The following AKR1B1 variants were observed in gnomAD, a reference collection of about 807,000 sequenced individuals.
AKR1B1 encodes the protein aldo-keto reductase family 1 member B, also known as aldo-keto reductase family 1 member B1.
A neutral mutation model predicts 40.4 loss-of-function variants in AKR1B1; 22 were observed. That is an observed-to-expected ratio of 0.54 (90% CI 0.39 to 0.78). The LOEUF is 0.78. Among genes scored for constraint, AKR1B1 ranks in the 30% least tolerant of loss-of-function variants. The pLI, the probability that AKR1B1 is intolerant of heterozygous loss-of-function variation, is 0.00. For synonymous variants in AKR1B1, 157 were observed against 149.9 expected, an observed-to-expected ratio of 1.05 and a Z score of -0.35; for missense variants, 357 against 396.7, an observed-to-expected ratio of 0.90 and a Z score of 0.85.
At chr7:134,446,299 TA>T (rs1421613189) in intron 8 of AKR1B1, among the ~76,000 whole-genome samples, 2 of 152,226 alleles carry the variant, frequency 1.3e-5, no homozygotes, top group Non-Finnish European at 2.9e-5. Flanking sequence ...TCTCCTCTCC[TA>T]AACAATGAGC....
rs1562906993 is a variant in AKR1B1 at position 134,448,417 on chromosome 7, TAGGCGGTC to T, written c.621_628del (p.Thr208GlnfsTer7). 6.2e-7 allele frequency: 1 copy of T among 1,613,800 alleles called. No homozygotes were observed. Among genetic ancestry groups the T allele is most frequent in the African/African-American group, 1.3e-5 (1 of 74,922 alleles). ...CCTGTCAGGAGAGCCGAGGGGGCTGTAGGCGGTCACCACGATGCCTTTGGACTGGCAGT... is the reference window on the plus strand; with the variant it reads ...CCTGTCAGGAGAGCCGAGGGGGCTGTACCACGATGCCTTTGGACTGGCAGT... On this transcript the variant is annotated frameshift_variant, in exon 6 of 10. Coordinates refer to ENST00000285930, the MANE Select transcript of AKR1B1 (RefSeq NM_001628.4). LOFTEE classifies it high-confidence loss of function.
chr7:134,454,832 A>G (rs1237946854), intron 1 of AKR1B1, among the ~76,000 whole-genome samples: 2 of 152,224 alleles, frequency 1.3e-5, no homozygotes, highest in African/African-American at 4.8e-5. Context: ...CAGGTTTGGC[A>G]GCAGAAATTA....
rs1805976805 is a variant in AKR1B1, at chr7:134,442,747, G to A, written c.932C>T (p.Pro311Leu). Reference sequence around the variant, plus strand: ...ACAGCTTCAAAACTCTTCATGGAAGGGGTAATCCTTGTGGGAGGTACAGCT... The same window carrying A: ...ACAGCTTCAAAACTCTTCATGGAAGAGGTAATCCTTGTGGGAGGTACAGCT... The part of the protein sequence containing the change: ...LLSCTSHKDY[P>L]FHEEF The change falls in exon 10 of 10, where the codon CCC (proline) becomes CTC (leucine). Residue 311 changes from proline (P) to leucine (L), a missense_variant. Pro to Leu is a moderately conservative substitution (Grantham distance 98). Coordinates refer to ENST00000285930, the MANE Select transcript of AKR1B1 (RefSeq NM_001628.4). The A allele has an allele frequency of 6.2e-7, 1 of 1,613,984 alleles. No homozygotes were observed. The highest frequency in any genetic ancestry group is 8.5e-7 in the Non-Finnish European group (1 of 1,179,982).
chr7:134,447,277 C>A (rs113462862), intron 8 of AKR1B1, 21 bp downstream of exon 8: 28 of 1,610,858 alleles, frequency 1.7e-5, no homozygotes, highest in African/African-American at 8.0e-5. Context: ...GAGGGCCAGG[C>A]CTGACCAGCC....
intron 3 of AKR1B1, 23 bp downstream of exon 3, chr7:134,450,763 G>T: frequency 3.8e-6 from 6 of 1,594,854 alleles, no homozygotes; most frequent in Non-Finnish European, 5.2e-6. Flanking sequence ...CAAGGGACCT[G>T]GTCTGCACCA....
intron 1 of AKR1B1, among the ~76,000 whole-genome samples, chr7:134,452,746 A>C (rs376305589): frequency 5.3e-5 from 8 of 150,528 alleles, no homozygotes; most frequent in East Asian, 3.9e-4. Flanking sequence ...GAAAAGAAAA[A>C]CCCCCCAGGG....
chr7:134,445,154 G>A (rs912195064), intron 9 of AKR1B1, 84 bp downstream of exon 9: 27 of 1,213,028 alleles, frequency 2.2e-5, no homozygotes, highest in African/African-American at 5.9e-5. Flanking sequence ...GCACATTGGC[G>A]CTGAGGCCTG....
chr7:134,455,776 G>GT (rs1054862719), intron 1 of AKR1B1, among the ~76,000 whole-genome samples: 2 of 152,110 alleles, frequency 1.3e-5, no homozygotes, highest in African/African-American at 4.8e-5. Context: ...TAGAGAGGGG[G>GT]TTTCACCATG....
chr7:134,447,007 C>G lies in AKR1B1; in HGVS notation c.825+291G>C, dbSNP rs1050366202. On this transcript the variant is annotated intron_variant, in intron 8 of 9. Coordinates refer to ENST00000285930, the MANE Select transcript of AKR1B1 (RefSeq NM_001628.4). ...TGCAGGGCAGGTCCAGGCAGTGAAG[C>G]TCAAGAGCGAGATTCTCCCCGGGTA... 3.9e-5 allele frequency among the ~76,000 whole-genome samples: 6 copies of G among 152,006 alleles called. No individual in the cohort carries two copies. The South Asian group carries it at 1.2e-3, about 32-fold the overall frequency.
chr7:134,451,757 A>G lies in AKR1B1; in HGVS notation c.67-4T>C. On this transcript the variant is annotated splice_region_variant and splice_polypyrimidine_tract_variant and intron_variant, in intron 1 of 9. Coordinates refer to ENST00000285930, the MANE Select transcript of AKR1B1 (RefSeq NM_001628.4). ...CAGTCACCTGCCCTGGAGGGGACTG[A>G]AAGGAGAAAGAACGTGAGCCCCGCA... The G allele has an allele frequency of 6.2e-7, 1 of 1,613,974 alleles. No homozygotes were observed. Among genetic ancestry groups the G allele is most frequent in the Non-Finnish European group, 8.5e-7 (1 of 1,179,950 alleles).
At position 134,459,096 on chromosome 7, in the gene AKR1B1, G is replaced by A. The variant is rs1806592809; in HGVS notation, c.-34C>T. 6.3e-7 allele frequency: 1 copy of A among 1,588,422 alleles called. No homozygotes were observed. The highest frequency in any genetic ancestry group is 1.2e-5 in the South Asian group (1 of 86,952). ...CGCTCCCCAGACCCCCGCCCAGTAC[G>A]GTGCGGCCTTGGCCGCGGCGCGTAC... On this transcript the variant is annotated 5_prime_UTR_variant, in exon 1 of 10. Transcript: ENST00000285930.
At chr7:134,451,039 C>T (rs1806270529) in intron 2 of AKR1B1, 137 bp from the exon 3 acceptor site, 3 of 746,970 alleles carry the variant, frequency 4.0e-6, no homozygotes, top group South Asian at 3.0e-5. Context: ...GGCATTTCCA[C>T]TGCGTACTGG....
At chr7:134,454,390 G>A (rs538378423) in intron 1 of AKR1B1, among the ~76,000 whole-genome samples, 1 of 152,242 alleles carries the variant, frequency 6.6e-6, no homozygotes, top group South Asian at 2.1e-4. Flanking sequence ...CCAACTCTGA[G>A]ACACTGATAA....
At chr7:134,444,635 C>A in intron 9 of AKR1B1, 1 of 160,120 alleles carries the variant, frequency 6.2e-6, no homozygotes, top group East Asian at 1.8e-4. Flanking sequence ...TTACATGCGT[C>A]ACCTAGTTAT....
Position 134,451,592 on chromosome 7 carries a change from G to A in AKR1B1, c.228C>T (p.Val76=), listed in dbSNP as rs1806288628. Reference sequence around the variant, plus strand: ...CCCCACCGCGGAACGATACCTTGCTGACGATGAAGAGCTCCTCACGCTTCA... The same window carrying A: ...CCCCACCGCGGAACGATACCTTGCTAACGATGAAGAGCTCCTCACGCTTCA... The part of the protein sequence containing the change: ...QVVKREELFI[V]SKLWCTYHEK... Residue 76 remains valine, a synonymous_variant, in exon 2 of 10, where the codon GTC becomes GTT. Coordinates refer to ENST00000285930, the MANE Select transcript of AKR1B1 (RefSeq NM_001628.4). 6.2e-7 allele frequency: 1 copy of A among 1,614,000 alleles called. No individual in the cohort carries two copies. The highest frequency in any genetic ancestry group is 2.2e-5 in the East Asian group (1 of 44,878).
intron 8 of AKR1B1, 97 bp downstream of exon 8, chr7:134,447,201 G>T: frequency 9.1e-7 from 1 of 1,103,498 alleles, no homozygotes; most frequent in South Asian, 1.3e-5. Flanking sequence ...AGAGGATGGT[G>T]GTGATCCCAC....
chr7:134,443,049 G>A lies in AKR1B1; in HGVS notation c.909-279C>T, dbSNP rs530301276. Among the ~76,000 whole-genome samples, 10 of 152,278 alleles carry A rather than the reference G, an allele frequency of 6.6e-5. No homozygotes were observed. The South Asian group carries it at 8.3e-4, about 13-fold the overall frequency. On this transcript the variant is annotated intron_variant, in intron 9 of 9. Transcript: ENST00000285930. ...CCTGGGCCGTGCAGGACGGCAACAC[G>A]ATTTCTGCCTTCCAGTAACTCAGTC...
chr7:134,458,909 G>T, intron 1 of AKR1B1, 88 bp downstream of exon 1: 1 of 1,446,164 alleles, frequency 6.9e-7, no homozygotes. Context: ...GGGGCGAGCT[G>T]CTCAGGGTCA....
At chr7:134,449,385 G>A (rs1806211982) in intron 4 of AKR1B1, 3 of 565,456 alleles carry the variant, frequency 5.3e-6, no homozygotes, top group Non-Finnish European at 9.5e-6. Flanking sequence ...AGGAGATCAA[G>A]ACCATCCTGG....
Sources: gnomAD v4.1 joint callset for allele counts (sites outside exome capture counted in the v4.1 genomes callset) on GRCh38, gnomAD v4.1.1 for gene constraint, MANE v1.5 for transcripts, NCBI Gene and HGNC (gene_info 2026-07-23, HGNC 2026-07-21) for gene names.